Variants in RASA1 observed in about 807,000 individuals in gnomAD.
The protein encoded by RASA1 is ras GTPase-activating protein 1.
A neutral mutation model predicts 132.2 loss-of-function variants in RASA1; 25 were observed. The ratio of observed to expected loss-of-function variants is 0.19; its 90% CI spans 0.14 to 0.26. RASA1 has a LOEUF of 0.26. RASA1 is among the 10% of genes least tolerant of loss of function. RASA1 has a pLI of 1.00. For synonymous variants in RASA1, 477 were observed against 449.9 expected (o/e 1.06, Z -0.76); for missense variants, 964 against 1,299.2 (o/e 0.74, Z 3.97).
chr5:87,268,533 A>G lies in RASA1; in HGVS notation c.82A>G (p.Ser28Gly), dbSNP rs1289822620. 6.3e-6 allele frequency: 10 copies of G among 1,594,274 alleles called. No homozygotes were observed. In the East Asian group the frequency reaches 2.3e-4, roughly 36 times the overall value. Residue 28 changes from serine (S) to glycine (G), a missense_variant, in exon 1 of 25, where the codon AGT (serine) becomes GGT (glycine). This residue lies in a region of RASA1 where 326 missense variants were observed against 275.8 expected (regional missense o/e 1.18). Transcript: ENST00000274376. ...AGGGGAAAGS[S>G]AYPAVCRVKI... Reference sequence around the variant, plus strand: ...AGGAGGCGGCGCGGCAGCGGGCTCCAGTGCCTATCCCGCAGTGTGTCGGGT... The same window carrying G: ...AGGAGGCGGCGCGGCAGCGGGCTCCGGTGCCTATCCCGCAGTGTGTCGGGT...
chr5:87,272,428 A>G (rs1462047129), intron 1 of RASA1, among the ~76,000 whole-genome samples: 1 of 152,118 alleles, frequency 6.6e-6, no homozygotes, highest in African/African-American at 2.4e-5. Flanking sequence ...GAAGTTAGAC[A>G]AGATTTGGGT....
chr5:87,311,189 G>T (rs1409084942), intron 1 of RASA1, among the ~76,000 whole-genome samples: 1 of 152,094 alleles, frequency 6.6e-6, no homozygotes, highest in Non-Finnish European at 1.5e-5. Context: ...ACAAACTATG[G>T]TTATTTAGAT....
intron 3 of RASA1, among the ~76,000 whole-genome samples, 200 bp downstream of exon 3, chr5:87,332,842 T>A (rs1303211681): frequency 1.3e-5 from 2 of 152,110 alleles, no homozygotes; most frequent in Non-Finnish European, 2.9e-5. Flanking sequence ...ATTTTGTATT[T>A]AAGTAACCAG....
chr5:87,377,280 G>C, intron 17 of RASA1: 1 of 525,028 alleles, frequency 1.9e-6, no homozygotes, highest in East Asian at 3.5e-5. Flanking sequence ...CAAGAAGGTG[G>C]TATCTGTGTC....
intron 1 of RASA1, among the ~76,000 whole-genome samples, chr5:87,290,415 A>G (rs1436464713): frequency 6.6e-6 from 1 of 151,944 alleles, no homozygotes; most frequent in Non-Finnish European, 1.5e-5. Flanking sequence ...CCCATATTCC[A>G]CCCCCTCTTT....
chr5:87,287,217 CACCGTATATATACACACCATATATAT>C (rs1172244902), intron 1 of RASA1, among the ~76,000 whole-genome samples: 6 of 145,594 alleles, frequency 4.1e-5, no homozygotes, highest in East Asian at 4.1e-4. Flanking sequence ...TATATATACA[CACCGTATATATACACACCATATATAT>C]ACCGTATATA....
At position 87,391,136 on chromosome 5, in the gene RASA1, C is replaced by T. The variant is rs942844820; in HGVS notation, c.*253C>T. On this transcript the variant is annotated 3_prime_UTR_variant, in exon 25 of 25. Transcript: ENST00000274376. ...TTAACAACCTCTGAGCCTTGGTGTA[C>T]AGACCACCTTTCACAAAACGAAATG... 8.6e-6 allele frequency: 5 copies of T among 583,776 alleles called. No individual in the cohort carries two copies. The highest frequency in any genetic ancestry group is 7.5e-5 in the African/African-American group (4 of 53,512). The allele number at this position is 583,776 out of a possible 1,614,324, so 36.2% of individuals were successfully genotyped here.
intron 1 of RASA1, among the ~76,000 whole-genome samples, chr5:87,311,787 C>A (rs1056385361): frequency 1.3e-5 from 2 of 152,226 alleles, no homozygotes; most frequent in Non-Finnish European, 2.9e-5. Flanking sequence ...AGAGGTCAGA[C>A]TGATACTGCA....
chr5:87,374,802 A>T (rs751085665), intron 14 of RASA1, 38 bp from the exon 15 acceptor site: 5 of 1,605,988 alleles, frequency 3.1e-6, no homozygotes, highest in Non-Finnish European at 4.3e-6. Context: ...TTTGATGCCA[A>T]AACATTTTGT....
intron 11 of RASA1, among the ~76,000 whole-genome samples, chr5:87,367,200 A>C (rs1415725594): frequency 6.6e-6 from 1 of 152,234 alleles, no homozygotes; most frequent in African/African-American, 2.4e-5. Flanking sequence ...AGGAAATGAG[A>C]AGACATCTGT....
chr5:87,371,407 A>G (rs972743397), intron 12 of RASA1, among the ~76,000 whole-genome samples: 1 of 152,162 alleles, frequency 6.6e-6, no homozygotes, highest in Non-Finnish European at 1.5e-5. Context: ...GAATAAAGCA[A>G]TAGTACACAG....
Position 87,379,803 on chromosome 5 carries a change from T to G in RASA1, c.2556T>G (p.Leu852=). 6.2e-7 allele frequency: 1 copy of G among 1,612,936 alleles called. No individual in the cohort carries two copies. Among genetic ancestry groups the G allele is most frequent in the Non-Finnish European group, 8.5e-7 (1 of 1,179,182 alleles). ...ATTTAACACACCTATTGAACATACTTTCAGAGCTTGTGGAGAAAATATTCA... is the reference window on the plus strand; with the variant it reads ...ATTTAACACACCTATTGAACATACTGTCAGAGCTTGTGGAGAAAATATTCA... The part of the protein sequence containing the change: ...NTNLTHLLNI[L]SELVEKIFMA... The change falls in exon 19 of 25, where the codon CTT becomes CTG. Residue 852 remains leucine, a synonymous_variant. Coordinates refer to ENST00000274376, the MANE Select transcript of RASA1 (RefSeq NM_002890.3).
chr5:87,373,275 A>G (rs1039350414), intron 13 of RASA1, among the ~76,000 whole-genome samples: 4 of 152,186 alleles, frequency 2.6e-5, no homozygotes, highest in Admixed American at 2.6e-4. Context: ...AAGATACAGT[A>G]TAACAACTAT....
Position 87,327,948 on chromosome 5 carries a change from C to G in RASA1, c.540-3400C>G, listed in dbSNP as rs574625477. Among the ~76,000 whole-genome samples the G allele has an allele frequency of 8.2e-5, 12 of 146,846 alleles. 1 individual carries two copies. The highest frequency in any genetic ancestry group is 3.0e-4 in the African/African-American group (12 of 39,500). ...TGGCACTGCACCCCAACCTGGGTAACAGAGCAAGACTCCGTTTCCCAAAAA... is the reference window on the plus strand; with the variant it reads ...TGGCACTGCACCCCAACCTGGGTAAGAGAGCAAGACTCCGTTTCCCAAAAA... On this transcript the variant is annotated intron_variant, in intron 1 of 24. Coordinates refer to ENST00000274376, the MANE Select transcript of RASA1 (RefSeq NM_002890.3).
intron 1 of RASA1, among the ~76,000 whole-genome samples, chr5:87,319,363 G>T (rs948969148): frequency 6.6e-6 from 1 of 152,228 alleles, no homozygotes; most frequent in Non-Finnish European, 1.5e-5. Flanking sequence ...CTAGTAGAGG[G>T]TCTCCATGAG....
At chr5:87,317,111 G>A (rs891124956) in intron 1 of RASA1, among the ~76,000 whole-genome samples, 1 of 152,064 alleles carries the variant, frequency 6.6e-6, no homozygotes, top group Non-Finnish European at 1.5e-5. Flanking sequence ...TTAAGTTCCC[G>A]GCCTCATGTG....
chr5:87,292,087 T>G (rs1402846976), intron 1 of RASA1, among the ~76,000 whole-genome samples: 2 of 152,212 alleles, frequency 1.3e-5, no homozygotes, highest in African/African-American at 2.4e-5. Flanking sequence ...CAGATGTGTC[T>G]TTTGAAAATA....
chr5:87,350,043 A>G (rs1422766115), intron 8 of RASA1, among the ~76,000 whole-genome samples: 2 of 151,872 alleles, frequency 1.3e-5, no homozygotes, highest in Non-Finnish European at 1.5e-5. Flanking sequence ...TTGTTCTAAA[A>G]TGCTTATATT....
At chr5:87,372,070 C>A in intron 12 of RASA1, 48 bp from the exon 13 acceptor site, 1 of 1,506,340 alleles carries the variant, frequency 6.6e-7, no homozygotes, top group Non-Finnish European at 9.0e-7. Flanking sequence ...GATTTGGAAG[C>A]CAAATAAACT....
Sources: gnomAD v4.1 joint callset for allele counts (sites outside exome capture counted in the v4.1 genomes callset) on GRCh38, gnomAD v4.1.1 for gene constraint, gnomAD v4.1.1 regional missense constraint, MANE v1.5 for transcripts, NCBI Gene and HGNC (gene_info 2026-07-23, HGNC 2026-07-21) for gene names.